Variants in PCDH15 observed in about 807,000 individuals in gnomAD.
The protein encoded by PCDH15 is protocadherin-15.
PCDH15 carries 129 observed loss-of-function variants against 178.5 expected under a neutral mutation model. That is an observed-to-expected ratio of 0.72 (90% CI 0.63 to 0.84). The LOEUF (loss-of-function observed/expected upper bound fraction) is 0.84. Among genes scored for constraint, PCDH15 ranks in the 40% least tolerant of loss-of-function variants. The pLI is 0.00. For synonymous variants in PCDH15, 800 were observed against 732.0 expected (o/e 1.09, Z -1.50); for missense variants, 2,230 against 2,099.9 (o/e 1.06, Z -1.21).
rs188743895 is a variant in PCDH15, at chr10:54,696,560, A to G, written c.-28-32270T>C. On this transcript the variant is annotated intron_variant, in intron 1 of 37. Coordinates refer to ENST00000644397, the MANE Select transcript of PCDH15 (RefSeq NM_001384140.1). ...ACATTTCTACTGAGGGTTAAATGCTATCAAACAGCACTGAAATCTATGGGG... is the reference window on the plus strand; with the variant it reads ...ACATTTCTACTGAGGGTTAAATGCTGTCAAACAGCACTGAAATCTATGGGG... 2.6e-5 allele frequency among the ~76,000 whole-genome samples: 4 copies of G among 152,254 alleles called. No homozygotes were observed. The East Asian group carries it at 5.8e-4, about 22-fold the overall frequency.
At chr10:53,830,802 C>T (rs570779846) in intron 30 of PCDH15, among the ~76,000 whole-genome samples, 2 of 152,272 alleles carry the variant, frequency 1.3e-5, no homozygotes, top group East Asian at 1.9e-4. Context: ...AAGGAAGAAA[C>T]CACATAGAAA....
At chr10:55,323,083 C>T (rs1486437384), upstream of PCDH15, among the ~76,000 whole-genome samples, 1 of 152,112 alleles carries the variant, frequency 6.6e-6, no homozygotes, top group Admixed American at 6.6e-5. Flanking sequence ...AGTTCAAGCT[C>T]AAGTTTCAAA....
intron 2 of PCDH15, 28 bp downstream of exon 2, chr10:54,664,144 C>G (rs1280571027): frequency 6.4e-7 from 1 of 1,557,156 alleles, no homozygotes; most frequent in Non-Finnish European, 8.9e-7. Context: ...CTGGCTCGCT[C>G]TAAAGGTCAA....
chr10:54,197,565 T>C (rs1440795913), intron 10 of PCDH15, among the ~76,000 whole-genome samples: 2 of 152,162 alleles, frequency 1.3e-5, no homozygotes, highest in African/African-American at 2.4e-5. Flanking sequence ...TATTAAACTC[T>C]GGTGTGATTT....
intron 2 of PCDH15, among the ~76,000 whole-genome samples, chr10:54,585,789 CTTCA>C (rs1268672717): frequency 1.3e-5 from 2 of 152,114 alleles, no homozygotes; most frequent in African/African-American, 4.8e-5. Flanking sequence ...TGCTGATTAG[CTTCA>C]TTCAATTATG....
intron 2 of PCDH15, among the ~76,000 whole-genome samples, chr10:54,556,257 A>G (rs1408142650): frequency 2.0e-5 from 3 of 152,202 alleles, no homozygotes; most frequent in African/African-American, 4.8e-5. Context: ...GAAAATACTC[A>G]TTAGTCTTTC....
At position 54,064,060 on chromosome 10, in the gene PCDH15, A is replaced by G. The variant is rs1258473995; in HGVS notation, c.2220+2697T>C. 5.9e-5 allele frequency among the ~76,000 whole-genome samples: 9 copies of G among 152,304 alleles called. No homozygotes were observed. In the East Asian group the frequency reaches 1.7e-3, roughly 29 times the overall value. On this transcript the variant is annotated intron_variant, in intron 18 of 37. Transcript: ENST00000644397. The stretch of plus-strand genomic sequence containing the variant: ...GGCCCACATCCAGGAAGAATGAGGT[A>G]CGCGCACAGCTGGAGAGTTAAGGTG...
intron 32 of PCDH15, chr10:53,822,938 ATCTATGATCTCTGGTC>A: frequency 6.2e-7 from 1 of 1,614,018 alleles, no homozygotes; most frequent in Non-Finnish European, 8.5e-7. Flanking sequence ...ACTGCTGCAG[ATCTATGATCTCTGGTC>A]TATTTGGAAC....
intron 2 of PCDH15, among the ~76,000 whole-genome samples, chr10:55,585,195 T>C (rs1033775271): frequency 6.6e-6 from 1 of 152,120 alleles, no homozygotes; most frequent in Non-Finnish European, 1.5e-5. Context: ...CTGGGGATTG[T>C]TTTGTTCACT....
intron 2 of PCDH15, among the ~76,000 whole-genome samples, chr10:55,516,669 T>C (rs1459641750): frequency 6.6e-6 from 1 of 152,148 alleles, no homozygotes; most frequent in Admixed American, 6.6e-5. Context: ...TTAGAATCAA[T>C]TGGCGAGAAG....
intron 2 of PCDH15, among the ~76,000 whole-genome samples, chr10:54,558,275 A>T (rs1183426821): frequency 6.6e-6 from 1 of 152,166 alleles, no homozygotes; most frequent in Non-Finnish European, 1.5e-5. Context: ...TTTTCTATGA[A>T]AGGATAAAAT....
At chr10:54,453,189 T>C (rs2076591561) in intron 3 of PCDH15, among the ~76,000 whole-genome samples, 1 of 152,072 alleles carries the variant, frequency 6.6e-6, no homozygotes, top group Non-Finnish European at 1.5e-5. Context: ...CATGCTGCTA[T>C]AAAGACACAT....
intron 3 of PCDH15, among the ~76,000 whole-genome samples, chr10:54,823,484 C>T (rs1326736395): frequency 6.6e-6 from 1 of 152,138 alleles, no homozygotes; most frequent in African/African-American, 2.4e-5. Flanking sequence ...TTGTTTCACA[C>T]TTACTCCACA....
chr10:54,694,639 G>C (rs926484158), intron 1 of PCDH15, among the ~76,000 whole-genome samples: 1 of 151,816 alleles, frequency 6.6e-6, no homozygotes, highest in South Asian at 2.1e-4. Flanking sequence ...AGAGATCAGC[G>C]GTCTTTGAGA....
intron 2 of PCDH15, among the ~76,000 whole-genome samples, chr10:55,602,048 A>G (rs1385539508): frequency 2.6e-5 from 4 of 152,116 alleles, no homozygotes; most frequent in African/African-American, 9.7e-5. Flanking sequence ...CACCAGCCAA[A>G]GCAGGGCGAG....
intron 2 of PCDH15, among the ~76,000 whole-genome samples, chr10:55,399,346 A>G (rs1435848518): frequency 6.6e-6 from 1 of 152,152 alleles, no homozygotes; most frequent in African/African-American, 2.4e-5. Flanking sequence ...CACTGGAAAC[A>G]CTACAATTTA....
At chr10:53,862,768 C>T (rs2079183914) in intron 27 of PCDH15, among the ~76,000 whole-genome samples, 1 of 152,176 alleles carries the variant, frequency 6.6e-6, no homozygotes. Flanking sequence ...GTTCAGCTTG[C>T]ATAGTGCTTT....
intron 2 of PCDH15, among the ~76,000 whole-genome samples, chr10:54,933,860 A>T (rs1220924700): frequency 2.6e-5 from 4 of 152,150 alleles, no homozygotes; most frequent in Admixed American, 1.3e-4. Flanking sequence ...TTAAATCCTT[A>T]TCCGTAGACA....
At chr10:55,309,745 G>C (rs1346490365) in intron 1 of PCDH15, among the ~76,000 whole-genome samples, 2 of 152,116 alleles carry the variant, frequency 1.3e-5, no homozygotes, top group African/African-American at 2.4e-5. Flanking sequence ...AATTCTGTGT[G>C]CACCTTCATT....
Sources: gnomAD v4.1 joint callset for allele counts (sites outside exome capture counted in the v4.1 genomes callset) on GRCh38, gnomAD v4.1.1 for gene constraint, MANE v1.5 for transcripts, NCBI Gene and HGNC (gene_info 2026-07-23, HGNC 2026-07-21) for gene names.